Variants in SSBP3 observed in about 807,000 individuals in gnomAD.
SSBP3 encodes the protein single-stranded DNA-binding protein 3.
Under a neutral mutation model 69.6 loss-of-function variants are expected in SSBP3, and 5 were observed. The observed-to-expected ratio is 0.07, with a 90% confidence interval of 0.04 to 0.15. The LOEUF is 0.15. SSBP3 is among the 10% of genes least tolerant of loss of function. The pLI is 1.00. For missense variants in SSBP3, 312 were observed against 534.0 expected, an observed-to-expected ratio of 0.58 and a Z score of 4.10; for synonymous variants, 196 against 193.4, an observed-to-expected ratio of 1.01 and a Z score of -0.11.
At chr1:54,301,611 C>G in intron 4 of SSBP3, among the ~76,000 whole-genome samples, 1 of 152,204 alleles carries the variant, frequency 6.6e-6, no homozygotes, top group Non-Finnish European at 1.5e-5. Flanking sequence ...CCTGAAGAGG[C>G]GCTCAGGCCA....
chr1:54,326,729 A>G (rs1239225254), intron 4 of SSBP3, among the ~76,000 whole-genome samples: 1 of 152,084 alleles, frequency 6.6e-6, no homozygotes, highest in Non-Finnish European at 1.5e-5. Context: ...TTCATTAGCT[A>G]ATGTTTAAAA....
At chr1:54,355,025 G>T (rs144992523) in intron 4 of SSBP3, among the ~76,000 whole-genome samples, 18 of 152,352 alleles carry the variant, frequency 1.2e-4, no homozygotes, top group African/African-American at 4.3e-4. Context: ...AAAGGAAGGG[G>T]AGGGTGAGGC....
intron 4 of SSBP3, among the ~76,000 whole-genome samples, chr1:54,296,538 C>T (rs1039809096): frequency 3.9e-5 from 6 of 152,198 alleles, no homozygotes; most frequent in African/African-American, 1.4e-4. Flanking sequence ...CCAGGCTGGA[C>T]AGATGTGGCC....
intron 4 of SSBP3, among the ~76,000 whole-genome samples, chr1:54,300,783 C>T (rs1645787258): frequency 6.6e-6 from 1 of 152,214 alleles, no homozygotes; most frequent in African/African-American, 2.4e-5. Context: ...CATGGATGGG[C>T]TCTCAGTGGA....
At chr1:54,347,890 A>C (rs1646715219) in intron 4 of SSBP3, among the ~76,000 whole-genome samples, 1 of 152,160 alleles carries the variant, frequency 6.6e-6, no homozygotes, top group South Asian at 2.1e-4. Context: ...CATTGAGACT[A>C]AGTTTCTGTT....
chr1:54,350,406 A>C (rs1001451607), intron 4 of SSBP3, among the ~76,000 whole-genome samples: 17 of 152,240 alleles, frequency 1.1e-4, no homozygotes, highest in African/African-American at 4.1e-4. Context: ...ACAAGCTAGA[A>C]AACTGTGCCA....
intron 4 of SSBP3, among the ~76,000 whole-genome samples, chr1:54,361,259 A>G (rs1646947774): frequency 6.6e-6 from 1 of 152,212 alleles, no homozygotes; most frequent in South Asian, 2.1e-4. Flanking sequence ...AATCAAGACC[A>G]GTTCACAAGA....
chr1:54,289,020 CAAAAA>C (rs777871964), intron 4 of SSBP3, among the ~76,000 whole-genome samples: 26 of 43,880 alleles, frequency 5.9e-4, no homozygotes, highest in South Asian at 4.0e-3. Flanking sequence ...ACTCTGTCTC[CAAAAA>C]AAAAAAAAAA....
chr1:54,363,745 G>T (rs1373255509), intron 4 of SSBP3, among the ~76,000 whole-genome samples: 1 of 152,142 alleles, frequency 6.6e-6, no homozygotes, highest in Non-Finnish European at 1.5e-5. Context: ...CACCATAAAG[G>T]TATACTGCAG....
chr1:54,291,571 T>C (rs1429310502), intron 4 of SSBP3, among the ~76,000 whole-genome samples: 1 of 152,244 alleles, frequency 6.6e-6, no homozygotes, highest in Non-Finnish European at 1.5e-5. Flanking sequence ...CAGTCTCTGT[T>C]TCGTCCCCCA....
chr1:54,332,550 G>A, intron 4 of SSBP3, among the ~76,000 whole-genome samples: 1 of 152,164 alleles, frequency 6.6e-6, no homozygotes, highest in East Asian at 1.9e-4. Flanking sequence ...CCAGTCACTA[G>A]GGCCTGACTA....
At chr1:54,345,765 G>A (rs1646678734) in intron 4 of SSBP3, among the ~76,000 whole-genome samples, 1 of 151,790 alleles carries the variant, frequency 6.6e-6, no homozygotes, top group Admixed American at 6.6e-5. Context: ...CTGTAATCCT[G>A]GAGGCTGAGG....
chr1:54,397,564 G>A (rs959231095), intron 4 of SSBP3, among the ~76,000 whole-genome samples: 1 of 152,114 alleles, frequency 6.6e-6, no homozygotes, highest in East Asian at 1.9e-4. Flanking sequence ...TGGAGTGGGA[G>A]GACAGGGCCA....
intron 4 of SSBP3, among the ~76,000 whole-genome samples, chr1:54,395,811 T>C (rs1648822395): frequency 6.6e-6 from 1 of 152,052 alleles, no homozygotes; most frequent in Admixed American, 6.5e-5. Context: ...CCAAATCCTT[T>C]AAAATCCAGA....
chr1:54,250,952 G>A (rs1644818462), intron 9 of SSBP3, among the ~76,000 whole-genome samples: 1 of 152,214 alleles, frequency 6.6e-6, no homozygotes. Context: ...AGGTATGTGA[G>A]GGCACCTGAA....
chr1:54,377,319 A>AC (rs1427338196), intron 4 of SSBP3, among the ~76,000 whole-genome samples: 2 of 152,184 alleles, frequency 1.3e-5, no homozygotes, highest in Non-Finnish European at 1.5e-5. Flanking sequence ...TACTCCGTAA[A>AC]CCCGAAGGGC....
At chr1:54,226,837 G>A in exon 18 of SSBP3, 1 of 418,304 alleles carries the variant, frequency 2.4e-6, no homozygotes, top group South Asian at 2.2e-5. Context: ...GTCATGTACA[G>A]AAAAGGTCCT....
At chr1:54,248,106 T>G (rs1266990458) in intron 9 of SSBP3, among the ~76,000 whole-genome samples, 2 of 152,240 alleles carry the variant, frequency 1.3e-5, no homozygotes, top group Non-Finnish European at 1.5e-5. Context: ...CCGACCACGC[T>G]GTACCTATTC....
chr1:54,273,917 G>A (rs891552362), intron 5 of SSBP3, among the ~76,000 whole-genome samples: 1 of 152,234 alleles, frequency 6.6e-6, no homozygotes, highest in Non-Finnish European at 1.5e-5. Context: ...ACTGTGGCCT[G>A]GAGCCCAGCA....
Sources: gnomAD v4.1 joint callset for allele counts (sites outside exome capture counted in the v4.1 genomes callset) on GRCh38, gnomAD v4.1.1 for gene constraint, MANE v1.5 for transcripts, NCBI Gene and HGNC (gene_info 2026-07-23, HGNC 2026-07-21) for gene names.